MAD1L1: variants seen among roughly 807,000 people sequenced by gnomAD.
MAD1L1 encodes the protein mitotic spindle assembly checkpoint protein MAD1.
MAD1L1 carries 95 observed loss-of-function variants against 96.9 expected under a neutral mutation model. The ratio of observed to expected loss-of-function variants is 0.98; its 90% confidence interval spans 0.83 to 1.16. The LOEUF is 1.16. MAD1L1 is among the 50% of genes most tolerant of loss of function. The pLI, the probability that MAD1L1 is intolerant of heterozygous loss-of-function variation, is 0.00. For synonymous variants in MAD1L1, 473 were observed against 396.6 expected, an observed-to-expected ratio of 1.19 and a Z score of -2.29; for missense variants, 1,007 against 954.4, an observed-to-expected ratio of 1.06 and a Z score of -0.73.
intron 12 of MAD1L1, among the ~76,000 whole-genome samples, chr7:2,044,716 C>T (rs73047060): frequency 0.021 from 3,265 of 152,302 alleles, 65 homozygotes; most frequent in Non-Finnish European, 0.026. Context: ...CACGTGTTTC[C>T]CGCTCAGCTT....
chr7:1,920,902 A>C (rs1043047871), intron 17 of MAD1L1, among the ~76,000 whole-genome samples: 2 of 148,410 alleles, frequency 1.3e-5, no homozygotes, highest in African/African-American at 5.3e-5. Context: ...AAAAAGATTC[A>C]CGGGACATCC....
chr7:2,183,759 G>A (rs1003742081), intron 10 of MAD1L1, among the ~76,000 whole-genome samples: 10 of 151,978 alleles, frequency 6.6e-5, no homozygotes, highest in African/African-American at 2.2e-4. Context: ...TCGTGGGGTG[G>A]GGGGAGCGGG....
Position 1,931,505 on chromosome 7 carries a change from A to G in MAD1L1, c.1807+5182T>C, listed in dbSNP as rs544236793. On this transcript the variant is annotated intron_variant, in intron 17 of 18. Coordinates refer to ENST00000265854, the MANE Select transcript of MAD1L1 (RefSeq NM_001013836.2). ...TTTCCTTCCTTTCTCTCCAGAGTCCACCATGTTCACCTCTCAGCCGATCAT... is the reference window on the plus strand; with the variant it reads ...TTTCCTTCCTTTCTCTCCAGAGTCCGCCATGTTCACCTCTCAGCCGATCAT... Among the ~76,000 whole-genome samples the G allele has an allele frequency of 1.6e-3, 242 of 152,240 alleles. 1 individual carries two copies. Among genetic ancestry groups the G allele is most frequent in the African/African-American group, 5.5e-3 (230 of 41,534 alleles).
chr7:2,039,567 C>T (rs1477555628), intron 12 of MAD1L1, among the ~76,000 whole-genome samples: 1 of 152,196 alleles, frequency 6.6e-6, no homozygotes, highest in African/African-American at 2.4e-5. Flanking sequence ...AGTGACACCT[C>T]ACTGTGGTTT....
chr7:2,093,945 C>T (rs143651558), intron 11 of MAD1L1, among the ~76,000 whole-genome samples: 54 of 152,342 alleles, frequency 3.5e-4, no homozygotes, highest in African/African-American at 1.3e-3. Context: ...GAACTCATGA[C>T]AGCAAGGCAG....
intron 18 of MAD1L1, among the ~76,000 whole-genome samples, chr7:1,859,149 C>T (rs1189061550): frequency 6.6e-6 from 1 of 152,160 alleles, no homozygotes; most frequent in Non-Finnish European, 1.5e-5. Context: ...GGCCAGATGC[C>T]TGAGAGAGGC....
At chr7:2,118,520 G>T (rs553906074) in intron 11 of MAD1L1, among the ~76,000 whole-genome samples, 2 of 152,342 alleles carry the variant, frequency 1.3e-5, no homozygotes, top group African/African-American at 4.8e-5. Flanking sequence ...GCATGAACGC[G>T]GCAAGATACA....
At chr7:1,931,832 G>A (rs1053282703) in intron 17 of MAD1L1, among the ~76,000 whole-genome samples, 4 of 152,216 alleles carry the variant, frequency 2.6e-5, no homozygotes, top group African/African-American at 4.8e-5. Flanking sequence ...GCCAATGGTC[G>A]TCCTGCTTCC....
In MAD1L1 at chr7:1,914,498, A is replaced by T. The variant is rs1385685823; in HGVS notation, c.1808-16108T>A. Reference sequence around the variant, plus strand: ...CACGTGGGTGCTTCTGGGAGCCAGAAAAGGCCGGATGTGGATTCTCCCCAG... The same window carrying T: ...CACGTGGGTGCTTCTGGGAGCCAGATAAGGCCGGATGTGGATTCTCCCCAG... On this transcript the variant is annotated intron_variant, in intron 17 of 18. Transcript: ENST00000265854. 2.0e-5 allele frequency among the ~76,000 whole-genome samples: 3 copies of T among 152,202 alleles called. No individual in the cohort carries two copies. The East Asian group carries it at 5.8e-4, about 29-fold the overall frequency.
chr7:1,831,338 G>A (rs1325706634), intron 18 of MAD1L1, among the ~76,000 whole-genome samples: 2 of 152,274 alleles, frequency 1.3e-5, no homozygotes, highest in African/African-American at 2.4e-5. Context: ...CCATAAGAGA[G>A]CAAACTTAAC....
chr7:2,009,361 C>G (rs184746454), intron 13 of MAD1L1, among the ~76,000 whole-genome samples: 4 of 152,228 alleles, frequency 2.6e-5, no homozygotes, highest in African/African-American at 9.7e-5. Context: ...CAGGCACAGA[C>G]CCCACACACG....
At chr7:1,826,522 G>A (rs1025062902) in intron 18 of MAD1L1, among the ~76,000 whole-genome samples, 27 of 152,200 alleles carry the variant, frequency 1.8e-4, no homozygotes, top group Non-Finnish European at 2.9e-4. Context: ...GTCCAGGTTT[G>A]ACCCCAGGAC....
intron 10 of MAD1L1, among the ~76,000 whole-genome samples, chr7:2,150,248 C>T (rs1789506353): frequency 6.6e-6 from 1 of 152,196 alleles, no homozygotes; most frequent in South Asian, 2.1e-4. Flanking sequence ...CGGGCACACC[C>T]TCCCAGCAGC....
chr7:2,096,844 A>G (rs1428570393), intron 11 of MAD1L1, among the ~76,000 whole-genome samples: 1 of 152,118 alleles, frequency 6.6e-6, no homozygotes, highest in East Asian at 1.9e-4. Context: ...ACAGCCCGAC[A>G]GCAGAGGACG....
At chr7:2,060,063 G>T (rs1022932142) in intron 12 of MAD1L1, among the ~76,000 whole-genome samples, 1 of 139,276 alleles carries the variant, frequency 7.2e-6, no homozygotes, top group Non-Finnish European at 1.6e-5. Context: ...CGATGCCGAG[G>T]TATCAAGATA....
chr7:1,908,267 A>AG (rs1375265907), intron 17 of MAD1L1, among the ~76,000 whole-genome samples: 1 of 152,238 alleles, frequency 6.6e-6, no homozygotes, highest in Non-Finnish European at 1.5e-5. Context: ...GACGTGAGAC[A>AG]GGGAACAATG....
intron 10 of MAD1L1, among the ~76,000 whole-genome samples, chr7:2,168,811 C>G (rs901668159): frequency 6.6e-6 from 1 of 152,176 alleles, no homozygotes; most frequent in Non-Finnish European, 1.5e-5. Flanking sequence ...GGCAGACACA[C>G]GGGGCGTGGG....
intron 11 of MAD1L1, among the ~76,000 whole-genome samples, chr7:2,083,602 C>T (rs888511849): frequency 5.3e-5 from 8 of 152,194 alleles, no homozygotes; most frequent in African/African-American, 1.4e-4. Flanking sequence ...AGACTCCAGA[C>T]GTAACAGACT....
At chr7:2,023,594 T>C (rs1562616373) in intron 12 of MAD1L1, among the ~76,000 whole-genome samples, 4 of 152,154 alleles carry the variant, frequency 2.6e-5, no homozygotes, top group Admixed American at 6.5e-5. Flanking sequence ...CTAAAATCAA[T>C]CAACTAAGCT....
Sources: allele counts gnomAD v4.1 joint callset (sites outside exome capture counted in the v4.1 genomes callset), GRCh38; gene constraint gnomAD v4.1.1; transcripts MANE v1.5; gene names NCBI Gene and HGNC (gene_info 2026-07-23, HGNC 2026-07-21).